The following SULT6B1 variants were observed in gnomAD, a reference collection of about 807,000 sequenced individuals.
The protein encoded by SULT6B1 is sulfotransferase family 6B member 1.
Under a neutral mutation model 37.2 loss-of-function variants are expected in SULT6B1, and 44 were observed. That is an observed-to-expected ratio of 1.18 (90% CI 0.93 to 1.52). The LOEUF (loss-of-function observed/expected upper bound fraction) is 1.52. Among genes scored for constraint, SULT6B1 ranks in the 40% most tolerant of loss-of-function variants. The pLI is 0.00. For synonymous variants in SULT6B1, 140 were observed against 126.0 expected (o/e 1.11, Z -0.74); for missense variants, 450 against 361.0 (o/e 1.25, Z -2.00).
At chr2:37,185,637 G>C (rs1247484042) in intron 2 of SULT6B1, among the ~76,000 whole-genome samples, 1 of 147,602 alleles carries the variant, frequency 6.8e-6, no homozygotes, top group Non-Finnish European at 1.5e-5. Flanking sequence ...AGAATTGCTT[G>C]AACCCAGGAG....
Position 37,170,038 on chromosome 2 carries a change from A to T in SULT6B1, c.781+1396T>A, listed in dbSNP as rs145627129. Among the ~76,000 whole-genome samples, 5 of 152,332 alleles carry T rather than the reference A, an allele frequency of 3.3e-5. No homozygotes were observed. The East Asian group carries it at 9.6e-4, about 29-fold the overall frequency. ...ACTATCATCCATGTCAGAGAGAGCT[A>T]GTTGCCTTTCCCATAGTCATTTTCT... On this transcript the variant is annotated intron_variant, in intron 6 of 6. Coordinates refer to ENST00000535679, the MANE Select transcript of SULT6B1 (RefSeq NM_001367551.1).
chr2:37,179,633 T>G (rs758797862), intron 3 of SULT6B1, 49 bp from the exon 4 acceptor site: 1 of 1,568,078 alleles, frequency 6.4e-7, no homozygotes, highest in East Asian at 2.3e-5. Flanking sequence ...GTTTTGAAAT[T>G]TGGAAAATTA....
At chr2:37,171,319 T>A in intron 6 of SULT6B1, 115 bp downstream of exon 6, 1 of 1,289,272 alleles carries the variant, frequency 7.8e-7, no homozygotes, top group Admixed American at 2.3e-5. Flanking sequence ...GACCTCTTAC[T>A]GAGGCGGAGA....
Position 37,168,079 on chromosome 2 carries a change from A to G in SULT6B1, c.782-14T>C, listed in dbSNP as rs774423872. The G allele has an allele frequency of 1.3e-6, 2 of 1,568,466 alleles. No individual in the cohort carries two copies. Among genetic ancestry groups the G allele is most frequent in the Non-Finnish European group, 1.7e-6 (2 of 1,165,494 alleles). On this transcript the variant is annotated splice_polypyrimidine_tract_variant and intron_variant, in intron 6 of 6. Transcript: ENST00000535679. ...CACCAACTTCACCTACAACACACAA[A>G]AAACAGTAGACCCAGATATCTGTTA...
intron 2 of SULT6B1, among the ~76,000 whole-genome samples, chr2:37,185,863 A>G (rs1380627701): frequency 6.6e-6 from 1 of 151,894 alleles, no homozygotes; most frequent in African/African-American, 2.4e-5. Context: ...CTTTTCCTTT[A>G]TTTCCTACCT....
At chr2:37,188,391 C>T (rs776125002) in intron 1 of SULT6B1, 51 bp downstream of exon 1, 2 of 1,508,276 alleles carry the variant, frequency 1.3e-6, no homozygotes, top group East Asian at 4.5e-5. Flanking sequence ...ATACCCTCCC[C>T]AACCTACTCA....
At chr2:37,174,143 A>G (rs917626465) in intron 5 of SULT6B1, among the ~76,000 whole-genome samples, 1 of 148,560 alleles carries the variant, frequency 6.7e-6, no homozygotes, top group Non-Finnish European at 1.5e-5. Context: ...TTCCCCAGTT[A>G]CCTACTTGGC....
rs375271401 is a variant in SULT6B1, at chr2:37,183,498, G to A, written c.329C>T (p.Pro110Leu). 6.2e-7 allele frequency: 1 copy of A among 1,613,836 alleles called. No individual in the cohort carries two copies. The highest frequency in any genetic ancestry group is 8.5e-7 in the Non-Finnish European group (1 of 1,179,754). Residue 110 changes from proline to leucine, a missense_variant, in exon 3 of 7, where the codon CCA (proline) becomes CTA (leucine). Coordinates refer to ENST00000535679, the MANE Select transcript of SULT6B1 (RefSeq NM_001367551.1). Reference protein sequence around the residue: ...SEKYQRMKGFPSPRILATHLH... With the variant: ...SEKYQRMKGFLSPRILATHLH... ...GTGAGTTGCCAAAATCCTTGGTGAT[G>A]GAAAGCCTTTCATTCTCTTAAAAAT... is the stretch of plus-strand genomic sequence containing the variant.
chr2:37,193,294 T>TAA (rs55842015), upstream of SULT6B1, among the ~76,000 whole-genome samples: 4,272 of 131,330 alleles, frequency 0.033, 174 homozygotes, highest in African/African-American at 0.098. Flanking sequence ...TGTCTCTACT[T>TAA]AAAAAAAAAA....
intron 5 of SULT6B1, among the ~76,000 whole-genome samples, chr2:37,172,102 G>A (rs1676316745): frequency 6.6e-6 from 1 of 150,600 alleles, no homozygotes. Flanking sequence ...GACTAGAGTG[G>A]TGCAAGGGCA....
chr2:37,173,942 G>C (rs1337226342), intron 5 of SULT6B1, among the ~76,000 whole-genome samples: 1 of 152,056 alleles, frequency 6.6e-6, no homozygotes, highest in African/African-American at 2.4e-5. Flanking sequence ...CAAATCCCAC[G>C]ATGGCTTCCC....
upstream of SULT6B1, among the ~76,000 whole-genome samples, chr2:37,190,718 G>C (rs1274541631): frequency 2.0e-5 from 3 of 152,148 alleles, no homozygotes; most frequent in Admixed American, 1.3e-4. Flanking sequence ...GCGTTTTTAA[G>C]GGGGAAATGT....
Position 37,172,192 on chromosome 2 carries a change from AGGTGTGTGCC to A in SULT6B1, c.625-612_625-603del, listed in dbSNP as rs1489874691. Among the ~76,000 whole-genome samples, 55 of 152,224 alleles carry A rather than the reference AGGTGTGTGCC, an allele frequency of 3.6e-4. 2 individuals are homozygous for A. In the East Asian group the frequency reaches 5.4e-3, roughly 15 times the overall value. ...CAGCCTTCTGAATAGCTGGGACAAC[AGGTGTGTGCC>A]ACCACATCTGGCTAATTCTTGTATT... On this transcript the variant is annotated intron_variant, in intron 5 of 6. Transcript: ENST00000535679.
At chr2:37,178,910 C>T (rs1676487225) in intron 4 of SULT6B1, among the ~76,000 whole-genome samples, 1 of 152,146 alleles carries the variant, frequency 6.6e-6, no homozygotes, top group South Asian at 2.1e-4. Context: ...TTTCTATGGC[C>T]ACTCTGTACT....
At chr2:37,193,280 ACT>A (rs1676818711), upstream of SULT6B1, among the ~76,000 whole-genome samples, 1 of 142,942 alleles carries the variant, frequency 7.0e-6, no homozygotes, top group Non-Finnish European at 1.5e-5. Flanking sequence ...ACATGGTGAA[ACT>A]CTGTCTCTAC....
intron 4 of SULT6B1, among the ~76,000 whole-genome samples, chr2:37,178,269 G>C (rs186753232): frequency 2.0e-5 from 3 of 151,156 alleles, no homozygotes; most frequent in Admixed American, 6.6e-5. Flanking sequence ...TTGGAGTTTT[G>C]CTCTGTCACC....
chr2:37,184,787 G>A (rs1023989425), intron 2 of SULT6B1, among the ~76,000 whole-genome samples: 6 of 151,770 alleles, frequency 4.0e-5, no homozygotes, highest in African/African-American at 1.5e-4. Flanking sequence ...AGCTGAGATC[G>A]CGCCACTGCA....
intron 3 of SULT6B1, among the ~76,000 whole-genome samples, chr2:37,181,777 G>C (rs371092680): frequency 8.5e-5 from 13 of 152,248 alleles, no homozygotes; most frequent in East Asian, 3.9e-4. Flanking sequence ...AATTACTTCA[G>C]CTCTGTTTAT....
At chr2:37,194,333 G>T in intron 1 of SULT6B1, 1 of 253,610 alleles carries the variant, frequency 3.9e-6, no homozygotes, top group South Asian at 4.2e-5. Context: ...GCCCATCTTG[G>T]CCTCCCAAAG....
Sources: allele counts gnomAD v4.1 joint callset (sites outside exome capture counted in the v4.1 genomes callset), GRCh38; gene constraint gnomAD v4.1.1; transcripts MANE v1.5; gene names NCBI Gene and HGNC (gene_info 2026-07-23, HGNC 2026-07-21).